ADAM20: variants seen among roughly 807,000 people sequenced by gnomAD.
ADAM20 encodes disintegrin and metalloproteinase domain-containing protein 20.
For synonymous variants in ADAM20, 305 were observed against 310.2 expected (o/e 0.98, Z 0.18); for missense variants, 871 against 883.2 (o/e 0.99, Z 0.18).
chr14:70,524,645 G>C lies in ADAM20; in HGVS notation c.113C>G (p.Thr38Ser). ...CAAAGGGATCACCACTTCTGGAGAAGTGAAATACTGGGAGGGCCTGGCCTG... is the reference window on the plus strand; with the variant it reads ...CAAAGGGATCACCACTTCTGGAGAACTGAAATACTGGGAGGGCCTGGCCTG... ...HSQARPSQYF[T>S]SPEVVIPLKV... The change falls in exon 2 of 2, where the codon ACT becomes AGT. Residue 38 changes from threonine to serine, a missense_variant. Physicochemically the swap from Thr to Ser is moderately conservative, Grantham distance 58. Transcript: ENST00000256389. 1 of 1,614,068 alleles carries C rather than the reference G, an allele frequency of 6.2e-7. No individual in the cohort carries two copies. Among genetic ancestry groups the C allele is most frequent in the Non-Finnish European group, 8.5e-7 (1 of 1,179,964 alleles).
the ADAM20 span, among the ~76,000 whole-genome samples, chr14:70,575,910 C>A: frequency 6.6e-6 from 1 of 152,058 alleles, no homozygotes; most frequent in African/African-American, 2.4e-5. Context: ...AGACAGAAGA[C>A]CCAAGTAGAG....
chr14:70,556,935 C>G, the ADAM20 span: 2 of 152,122 alleles, frequency 1.3e-5, no homozygotes, highest in Admixed American at 6.5e-5. Flanking sequence ...CTACTCCTAT[C>G]ATAAAATATG....
intron 1 of ADAM20, among the ~76,000 whole-genome samples, chr14:70,530,693 A>G (rs1234519935): frequency 6.6e-6 from 1 of 152,176 alleles, no homozygotes; most frequent in Non-Finnish European, 1.5e-5. Flanking sequence ...ATTGCCCAAA[A>G]CATTCTTATG....
At chr14:70,568,313 A>AC in the ADAM20 span, among the ~76,000 whole-genome samples, 1 of 152,224 alleles carries the variant, frequency 6.6e-6, no homozygotes, top group Non-Finnish European at 1.5e-5. Context: ...CCAATAAATG[A>AC]AACAAAAAGA....
Position 70,523,842 on chromosome 14 carries a change from T to C in ADAM20, c.916A>G (p.Met306Val). ...AHLFIKDTQG[M>V]KLGVAYVKGI... The stretch of plus-strand genomic sequence containing the variant: ...TTAACATAGGCAACACCAAGCTTCA[T>C]GCCTTGTGTGTCTTTTATGAAAAGA... Residue 306 changes from methionine (M) to valine (V), a missense_variant, in exon 2 of 2, where the codon ATG (methionine) becomes GTG (valine). Coordinates refer to ENST00000256389, the MANE Select transcript of ADAM20 (RefSeq NM_003814.5). 1 of 1,614,042 alleles carries C rather than the reference T, an allele frequency of 6.2e-7. No individual in the cohort carries two copies. Among genetic ancestry groups the C allele is most frequent in the South Asian group, 1.1e-5 (1 of 91,078 alleles).
At position 70,523,381 on chromosome 14, in the gene ADAM20, C is replaced by G; in HGVS notation, c.1377G>C (p.Leu459=). Residue 459 remains leucine, a synonymous_variant, in exon 2 of 2, where the codon CTG becomes CTC. Transcript: ENST00000256389. The stretch of plus-strand genomic sequence containing the variant: ...GTTGTCTACATAAAGTTCCTGATGG[C>G]AGAAATTTGCAGTCTTTGCAACATA... ...FGICCKDCKF[L]PSGTLCRQQV... is the part of the protein sequence containing the mutation. The G allele has an allele frequency of 6.2e-7, 1 of 1,614,012 alleles. No individual in the cohort carries two copies. Among genetic ancestry groups the G allele is most frequent in the Non-Finnish European group, 8.5e-7 (1 of 1,179,970 alleles).
chr14:70,540,708 A>G, the ADAM20 span, among the ~76,000 whole-genome samples: 29 of 152,368 alleles, frequency 1.9e-4, no homozygotes, highest in South Asian at 3.5e-3. Flanking sequence ...TTGTGGCCTT[A>G]GGCAGTCTAG....
intron 1 of ADAM20, among the ~76,000 whole-genome samples, chr14:70,533,893 G>A (rs915817045): frequency 1.3e-5 from 2 of 151,386 alleles, no homozygotes; most frequent in African/African-American, 4.8e-5. Flanking sequence ...GACCAGTCTG[G>A]CCAAAATGGT....
Position 70,524,872 on chromosome 14 carries a change from G to T in ADAM20, c.-115C>A, listed in dbSNP as rs1883554401. The T allele has an allele frequency of 6.2e-7, 1 of 1,612,226 alleles. No homozygotes were observed. The highest frequency in any genetic ancestry group is 8.5e-7 in the Non-Finnish European group (1 of 1,179,596). ...TCAGGGTGCATGGCTGACCTTTAGG[G>T]ATCTGGGGATCTGTGTCCTGGTGGA... On this transcript the variant is annotated 5_prime_UTR_variant, in exon 2 of 2. Transcript: ENST00000256389.
chr14:70,545,723 T>A, the ADAM20 span, among the ~76,000 whole-genome samples: 24 of 152,132 alleles, frequency 1.6e-4, no homozygotes, highest in Non-Finnish European at 3.2e-4. Context: ...AAAGCAAATA[T>A]TATTAGAGCT....
At chr14:70,554,869 G>C in the ADAM20 span, among the ~76,000 whole-genome samples, 2,492 of 152,288 alleles carry the variant, frequency 0.016, 45 homozygotes, top group African/African-American at 0.04. Flanking sequence ...AGGAAGGAAC[G>C]AAGGGATTTA....
At chr14:70,567,966 G>GC in the ADAM20 span, among the ~76,000 whole-genome samples, 4 of 152,002 alleles carry the variant, frequency 2.6e-5, no homozygotes, top group Non-Finnish European at 5.9e-5. Flanking sequence ...GTTCCCACTG[G>GC]CCCCCTAACC....
the ADAM20 span, among the ~76,000 whole-genome samples, chr14:70,546,005 C>A: frequency 2.6e-5 from 4 of 152,136 alleles, no homozygotes; most frequent in Admixed American, 2.0e-4. Context: ...TCAAATATCT[C>A]CTCTGACAAC....
the ADAM20 span, among the ~76,000 whole-genome samples, chr14:70,573,538 C>T: frequency 6.6e-6 from 1 of 152,084 alleles, no homozygotes; most frequent in African/African-American, 2.4e-5. Context: ...TTACCCAATA[C>T]ACCAACATAA....
chr14:70,557,322 G>A, the ADAM20 span: 4 of 152,174 alleles, frequency 2.6e-5, no homozygotes, highest in Non-Finnish European at 5.9e-5. Context: ...GCAAATTGGA[G>A]AAATGTCATA....
chr14:70,554,917 C>T, the ADAM20 span, among the ~76,000 whole-genome samples: 19 of 152,276 alleles, frequency 1.2e-4, no homozygotes, highest in African/African-American at 4.3e-4. Context: ...TGGGAGAGGG[C>T]CCGAGCATGG....
Position 70,524,284 on chromosome 14 carries a change from T to A in ADAM20, c.474A>T (p.Val158=). Residue 158 remains valine (V), a synonymous_variant, in exon 2 of 2, where the codon GTA becomes GTT. Coordinates refer to ENST00000256389, the MANE Select transcript of ADAM20 (RefSeq NM_003814.5). ...GTGTATCATCACTGTCTATCTTATA[T>A]ACTAGGTGTTCAAATGTGGCAGAAA... ...ISVSATFEHL[V]YKIDSDDTQF... is the part of the protein sequence containing the mutation. 6.2e-7 allele frequency: 1 copy of A among 1,614,052 alleles called. No homozygotes were observed. The highest frequency in any genetic ancestry group is 8.5e-7 in the Non-Finnish European group (1 of 1,179,950).
At chr14:70,565,006 C>T in the ADAM20 span, among the ~76,000 whole-genome samples, 1 of 150,476 alleles carries the variant, frequency 6.6e-6, no homozygotes, top group South Asian at 2.1e-4. Context: ...TATGCTCACA[C>T]CACTGCACTC....
upstream of ADAM20, among the ~76,000 whole-genome samples, chr14:70,535,484 T>C (rs1883813616): frequency 6.6e-6 from 1 of 152,134 alleles, no homozygotes; most frequent in Non-Finnish European, 1.5e-5. Flanking sequence ...ATGTAAACAT[T>C]CCAAAATATC....
Sources: allele counts gnomAD v4.1 joint callset (sites outside exome capture counted in the v4.1 genomes callset), GRCh38; gene constraint gnomAD v4.1.1; transcripts MANE v1.5; gene names NCBI Gene and HGNC (gene_info 2026-07-23, HGNC 2026-07-21).